The following ATF6 variants were observed in gnomAD, a reference collection of about 807,000 sequenced individuals.
ATF6 encodes cyclic AMP-dependent transcription factor ATF-6 alpha.
ATF6 carries 53 observed loss-of-function variants against 83.6 expected under a neutral mutation model. The observed-to-expected ratio is 0.63, with a 90% confidence interval of 0.51 to 0.80. The LOEUF (loss-of-function observed/expected upper bound fraction) is 0.80, where lower values mean the gene tolerates loss of function less well. ATF6 is among the 30% of genes least tolerant of loss of function. The probability of loss-of-function intolerance (pLI) is 0.00; values close to 1 mark genes in which losing one functional copy is unlikely to be tolerated. For missense variants in ATF6, 744 were observed against 797.9 expected (o/e 0.93, Z 0.81); for synonymous variants, 288 against 285.8 (o/e 1.01, Z -0.08).
rs757387988 is a variant in ATF6 at position 161,805,178 on chromosome 1, A to G, written c.909+2906A>G. Among the ~76,000 whole-genome samples, 4 of 152,226 alleles carry G rather than the reference A, an allele frequency of 2.6e-5. No individual in the cohort carries two copies. The East Asian group carries it at 7.7e-4, about 29-fold the overall frequency. On this transcript the variant is annotated intron_variant, in intron 7 of 15. Transcript: ENST00000367942. ...TCAGATGAGGTTAATTTTTTTAACA[A>G]TGATATACCGTTGACCTACATATTT...
intron 9 of ATF6, among the ~76,000 whole-genome samples, chr1:161,842,209 G>A (rs142477841): frequency 1.4e-4 from 22 of 152,186 alleles, no homozygotes; most frequent in Admixed American, 1.3e-3. Flanking sequence ...AACTGAGATA[G>A]GAAAGATGTG....
intron 14 of ATF6, among the ~76,000 whole-genome samples, chr1:161,893,841 C>A (rs1339017676): frequency 1.3e-5 from 2 of 152,128 alleles, no homozygotes; most frequent in Admixed American, 1.3e-4. Flanking sequence ...ATAATATAAT[C>A]ATCTTTTGCT....
At chr1:161,924,873 A>G (rs1189983565) in intron 15 of ATF6, among the ~76,000 whole-genome samples, 1 of 152,198 alleles carries the variant, frequency 6.6e-6, no homozygotes, top group Non-Finnish European at 1.5e-5. Flanking sequence ...GCTTTAGTAC[A>G]AAGTTATCCA....
chr1:161,939,150 G>C (rs1277424340), intron 15 of ATF6, among the ~76,000 whole-genome samples: 1 of 151,986 alleles, frequency 6.6e-6, no homozygotes, highest in African/African-American at 2.4e-5. Flanking sequence ...ACATCACCTT[G>C]GAACACTTTA....
intron 6 of ATF6, among the ~76,000 whole-genome samples, chr1:161,800,887 A>T (rs944172504): frequency 3.3e-5 from 5 of 152,172 alleles, no homozygotes; most frequent in African/African-American, 1.2e-4. Flanking sequence ...TTGTAAACTG[A>T]CATGATTTCT....
intron 7 of ATF6, among the ~76,000 whole-genome samples, chr1:161,815,240 G>T (rs1685587120): frequency 7.1e-6 from 1 of 141,578 alleles, no homozygotes; most frequent in Non-Finnish European, 1.5e-5. Context: ...CACCCAGGCT[G>T]GAGAACAGTG....
chr1:161,797,359 T>C (rs906989730), intron 6 of ATF6, among the ~76,000 whole-genome samples: 1 of 151,974 alleles, frequency 6.6e-6, no homozygotes, highest in African/African-American at 2.4e-5. Flanking sequence ...GGCATCCAAA[T>C]AGGAAGAGAG....
At chr1:161,892,355 G>T (rs1353014867) in intron 14 of ATF6, among the ~76,000 whole-genome samples, 1 of 152,104 alleles carries the variant, frequency 6.6e-6, no homozygotes, top group Non-Finnish European at 1.5e-5. Context: ...TAAACAAATG[G>T]ACATCTACTT....
At chr1:161,930,238 C>T (rs780379088) in intron 15 of ATF6, among the ~76,000 whole-genome samples, 18 of 152,186 alleles carry the variant, frequency 1.2e-4, no homozygotes, top group Non-Finnish European at 1.5e-5. Context: ...CTCCACCTCC[C>T]ACTTAGTTTA....
Position 161,792,237 on chromosome 1 carries a change from G to A in ATF6, c.598G>A (p.Ala200Thr). The change falls in exon 6 of 16, where the codon GCA becomes ACA. Residue 200 changes from alanine to threonine, a missense_variant. Ala to Thr is a moderately conservative substitution (Grantham distance 58). Coordinates refer to ENST00000367942, the MANE Select transcript of ATF6 (RefSeq NM_007348.4). ...PKTQTNSSVP[A>T]KTIIIQTVPT... Reference sequence around the variant, plus strand: ...GACTCAAACAAACTCCAGTGTTCCAGCAAAAACCATCATTATTCAGACAGT... The same window carrying A: ...GACTCAAACAAACTCCAGTGTTCCAACAAAAACCATCATTATTCAGACAGT... 1 of 1,614,084 alleles carries A rather than the reference G, an allele frequency of 6.2e-7. No homozygotes were observed. The highest frequency in any genetic ancestry group is 8.5e-7 in the Non-Finnish European group (1 of 1,179,990).
At chr1:161,818,938 T>C (rs948218222) in intron 7 of ATF6, among the ~76,000 whole-genome samples, 22 of 152,156 alleles carry the variant, frequency 1.4e-4, no homozygotes, top group Admixed American at 5.9e-4. Context: ...TGGAACACAA[T>C]TGAAATAGGA....
chr1:161,822,930 A>G (rs1370526182), intron 9 of ATF6, among the ~76,000 whole-genome samples: 1 of 152,138 alleles, frequency 6.6e-6, no homozygotes, highest in Non-Finnish European at 1.5e-5. Context: ...TTTAGTTTAA[A>G]AATTTTGGTT....
chr1:161,910,398 A>G (rs907360208), intron 14 of ATF6, among the ~76,000 whole-genome samples: 3 of 152,182 alleles, frequency 2.0e-5, no homozygotes, highest in African/African-American at 2.4e-5. Context: ...CATGCAAGAT[A>G]TGATTCTTCT....
intron 6 of ATF6, among the ~76,000 whole-genome samples, chr1:161,798,648 G>T (rs1321766021): frequency 6.6e-6 from 1 of 152,084 alleles, no homozygotes; most frequent in Non-Finnish European, 1.5e-5. Flanking sequence ...CACAGCAAAA[G>T]AAACTATCAA....
chr1:161,830,981 C>G (rs1686043517), intron 9 of ATF6, among the ~76,000 whole-genome samples: 1 of 152,116 alleles, frequency 6.6e-6, no homozygotes, highest in Non-Finnish European at 1.5e-5. Flanking sequence ...TTCTGCACAG[C>G]AAAAGAAACT....
chr1:161,880,348 G>A (rs973473964), intron 14 of ATF6, among the ~76,000 whole-genome samples: 1 of 151,754 alleles, frequency 6.6e-6, no homozygotes, highest in African/African-American at 2.4e-5. Context: ...GTGTGTGTGT[G>A]TGTATATATG....
At chr1:161,811,739 C>CCCAT (rs1685465841) in intron 7 of ATF6, among the ~76,000 whole-genome samples, 3 of 149,680 alleles carry the variant, frequency 2.0e-5, no homozygotes, top group Admixed American at 6.7e-5. Flanking sequence ...CATCCACCCA[C>CCCAT]CCATCCACCC....
At chr1:161,919,364 TCTA>T (rs1402501823) in intron 15 of ATF6, among the ~76,000 whole-genome samples, 1 of 152,196 alleles carries the variant, frequency 6.6e-6, no homozygotes, top group African/African-American at 2.4e-5. Context: ...TTTTGGAAGT[TCTA>T]CTAGTAGTTA....
chr1:161,766,400 C>A lies in ATF6; in HGVS notation c.40C>A (p.Pro14Thr), dbSNP rs765402374. 3.4e-5 allele frequency: 55 copies of A among 1,613,416 alleles called. No homozygotes were observed. Among genetic ancestry groups the A allele is most frequent in the Non-Finnish European group, 4.6e-5 (54 of 1,179,730 alleles). Residue 14 changes from proline to threonine, a missense_variant, in exon 1 of 16, where the codon CCT (proline) becomes ACT (threonine). Pro to Thr is a conservative substitution (Grantham distance 38). Transcript: ENST00000367942. The part of the protein sequence containing the change: ...PAGVAGTMES[P>T]FSPGLFHRLD... The stretch of plus-strand genomic sequence containing the variant: ...TGGGGTTGCCGGCACCATGGAGTCA[C>A]CTTTTAGCCCGGGACTCTTTCACAG...
Sources: allele counts gnomAD v4.1 joint callset (sites outside exome capture counted in the v4.1 genomes callset), GRCh38; gene constraint gnomAD v4.1.1; transcripts MANE v1.5; gene names NCBI Gene and HGNC (gene_info 2026-07-23, HGNC 2026-07-21).